Variants in LNX1 observed in about 807,000 individuals in gnomAD.
The protein encoded by LNX1 is E3 ubiquitin-protein ligase LNX.
Under a neutral mutation model 68.4 loss-of-function variants are expected in LNX1, and 54 were observed. The observed-to-expected ratio is 0.79, with a 90% CI of 0.63 to 0.99. The LOEUF (loss-of-function observed/expected upper bound fraction) is 0.99, where lower values mean the gene tolerates loss of function less well. Among genes scored for constraint, LNX1 ranks in the 50% least tolerant of loss-of-function variants. The pLI is 0.00. For missense variants in LNX1, 906 were observed against 926.4 expected (o/e 0.98, Z 0.29); for synonymous variants, 336 against 350.0 (o/e 0.96, Z 0.45).
At chr4:53,471,837 A>G (rs1412190522) in intron 9 of LNX1, among the ~76,000 whole-genome samples, 1 of 152,218 alleles carries the variant, frequency 6.6e-6, no homozygotes, top group Non-Finnish European at 1.5e-5. Flanking sequence ...TCAGGAAACA[A>G]CAGGTGCTGG....
At chr4:53,543,504 G>A (rs1451950340) in intron 2 of LNX1, among the ~76,000 whole-genome samples, 2 of 139,700 alleles carry the variant, frequency 1.4e-5, no homozygotes, top group Non-Finnish European at 3.1e-5. Flanking sequence ...CATCTACCAG[G>A]AGGCTACCTA....
At chr4:53,565,118 T>A (rs977731152) in intron 2 of LNX1, among the ~76,000 whole-genome samples, 3 of 151,958 alleles carry the variant, frequency 2.0e-5, no homozygotes, top group Non-Finnish European at 4.4e-5. Context: ...CAAAGCATCC[T>A]GGAAGCTCGA....
At chr4:53,495,248 T>C (rs1299880848) in intron 6 of LNX1, among the ~76,000 whole-genome samples, 2 of 152,182 alleles carry the variant, frequency 1.3e-5, no homozygotes, top group Non-Finnish European at 2.9e-5. Context: ...TGCATACTAA[T>C]TGATAATTAT....
intron 6 of LNX1, among the ~76,000 whole-genome samples, chr4:53,492,380 A>T (rs1280814694): frequency 1.4e-4 from 21 of 152,154 alleles, no homozygotes; most frequent in Non-Finnish European, 1.5e-5. Context: ...TGGGGAGAAT[A>T]CTAAATATCC....
chr4:53,484,018 G>A (rs1274218069), intron 6 of LNX1, among the ~76,000 whole-genome samples: 1 of 152,164 alleles, frequency 6.6e-6, no homozygotes, highest in African/African-American at 2.4e-5. Context: ...CCTTATGAAA[G>A]GGGCTGGAGG....
At chr4:53,539,532 A>AT (rs1560653528) in intron 2 of LNX1, among the ~76,000 whole-genome samples, 1 of 152,100 alleles carries the variant, frequency 6.6e-6, no homozygotes, top group South Asian at 2.1e-4. Context: ...TGCCCAGCTA[A>AT]TTTTTTTAGT....
In LNX1 at chr4:53,573,675, G is replaced by T. The variant is rs747045406; in HGVS notation, c.328C>A (p.His110Asn). ...CAGCGCTGCAACACCTGGGTGCAGT[G>T]CTCCCTGAATGGGCAGGTCACCAGT... ...KLLVTCPFRE[H>N]CTQVLQRCDL... Residue 110 changes from histidine to asparagine, a missense_variant, in exon 2 of 11, where the codon CAC becomes AAC. Transcript: ENST00000263925. 1 of 1,608,398 alleles carries T rather than the reference G, an allele frequency of 6.2e-7. No homozygotes were observed. The highest frequency in any genetic ancestry group is 1.3e-5 in the African/African-American group (1 of 74,854).
chr4:53,576,742 G>T (rs1327475779), intron 1 of LNX1, among the ~76,000 whole-genome samples: 1 of 152,054 alleles, frequency 6.6e-6, no homozygotes, highest in Non-Finnish European at 1.5e-5. Context: ...AGAACATAAA[G>T]ACACACGAAT....
chr4:53,544,240 G>A (rs1269491345), intron 2 of LNX1, among the ~76,000 whole-genome samples: 2 of 150,772 alleles, frequency 1.3e-5, no homozygotes, highest in African/African-American at 2.4e-5. Context: ...TGTTGCCCAG[G>A]CTGGAGTGCA....
intron 1 of LNX1, among the ~76,000 whole-genome samples, chr4:53,632,405 A>T (rs1734312116): frequency 6.6e-6 from 1 of 152,108 alleles, no homozygotes; most frequent in Admixed American, 6.5e-5. Flanking sequence ...CTTCTCAGAC[A>T]CCTGCCTTCT....
At chr4:53,519,398 A>C (rs1404776343) in intron 2 of LNX1, among the ~76,000 whole-genome samples, 1 of 150,718 alleles carries the variant, frequency 6.6e-6, no homozygotes, top group Non-Finnish European at 1.5e-5. Context: ...CAGTCATAAC[A>C]GTAACCACCT....
rs1183313041 is a variant in LNX1, at chr4:53,567,903, G to A, written c.380+5720C>T. 7.2e-5 allele frequency among the ~76,000 whole-genome samples: 11 copies of A among 151,898 alleles called. No homozygotes were observed. In the East Asian group the frequency reaches 1.9e-3, roughly 27 times the overall value. ...ATAAACTAGAAAATCTAGAAGAAAT[G>A]GATAAATTCCTTGACACATACACTC... On this transcript the variant is annotated intron_variant, in intron 2 of 10. Transcript: ENST00000263925.
chr4:53,513,218 A>T (rs1726491891), intron 2 of LNX1, among the ~76,000 whole-genome samples: 1 of 152,152 alleles, frequency 6.6e-6, no homozygotes, highest in Non-Finnish European at 1.5e-5. Flanking sequence ...GCAGCCCAGA[A>T]GGCAGTCTGG....
chr4:53,528,057 T>C (rs1269059955), intron 2 of LNX1, among the ~76,000 whole-genome samples: 3 of 152,240 alleles, frequency 2.0e-5, no homozygotes, highest in African/African-American at 7.2e-5. Context: ...CATGTTTAAG[T>C]GTTTTCCAGT....
At chr4:53,549,644 A>G (rs1441062908) in intron 2 of LNX1, 2 of 152,170 alleles carry the variant, frequency 1.3e-5, no homozygotes, top group Non-Finnish European at 2.9e-5. Context: ...ATTCTTGCAG[A>G]TGAAATGACA....
intron 2 of LNX1, among the ~76,000 whole-genome samples, chr4:53,610,714 G>GTAA: frequency 3.9e-5 from 1 of 25,908 alleles, no homozygotes; most frequent in African/African-American, 2.2e-4. Context: ...GTCTCAAAGA[G>GTAA]GAAAAAAAAA....
At chr4:53,568,309 G>C (rs1232048613) in intron 2 of LNX1, among the ~76,000 whole-genome samples, 2 of 151,326 alleles carry the variant, frequency 1.3e-5, no homozygotes, top group African/African-American at 2.4e-5. Context: ...TGATCAAGTG[G>C]GCTTCATCCC....
rs1725020089 is a variant in LNX1, at chr4:53,495,950, G to C, written c.1350+73C>G. On this transcript the variant is annotated intron_variant, in intron 6 of 10. Transcript: ENST00000263925. ...CACATGTGGTAGTGACAGGGTGCCT[G>C]GTTCAGGGGGATGTGCATTCTTGCT... is the stretch of plus-strand genomic sequence containing the variant. 22 of 1,534,524 alleles carry C rather than the reference G, an allele frequency of 1.4e-5. 1 individual carries two copies. In the South Asian group the frequency reaches 2.8e-4, roughly 19 times the overall value.
intron 6 of LNX1, among the ~76,000 whole-genome samples, chr4:53,484,798 T>C (rs1724177316): frequency 6.6e-6 from 1 of 152,176 alleles, no homozygotes; most frequent in African/African-American, 2.4e-5. Flanking sequence ...AAATGGATGA[T>C]CGGCCAGGTG....
Sources: allele counts gnomAD v4.1 joint callset (sites outside exome capture counted in the v4.1 genomes callset), GRCh38; gene constraint gnomAD v4.1.1; transcripts MANE v1.5; gene names NCBI Gene and HGNC (gene_info 2026-07-23, HGNC 2026-07-21).